AQR: variants seen among roughly 807,000 people sequenced by gnomAD.
AQR encodes the protein RNA helicase aquarius.
In AQR, 61 loss-of-function variants were observed where a neutral mutation model predicts 180.5. The ratio of observed to expected loss-of-function variants is 0.34; its 90% confidence interval spans 0.28 to 0.42. The LOEUF (loss-of-function observed/expected upper bound fraction) is 0.42. Ranked by LOEUF, AQR falls within the 10% of genes least tolerant of loss-of-function variation. The pLI is 1.00. For synonymous variants in AQR, 551 were observed against 588.8 expected (o/e 0.94, Z 0.93); for missense variants, 1,281 against 1,798.3 (o/e 0.71, Z 5.20).
In AQR at chr15:34,969,709, T is replaced by A; in HGVS notation, c.-96A>T. ...TCCCTTAAGTTACTGCCGGGGCGCT[T>A]AACTCCGCGCCGCACAAACGCTCCG... On this transcript the variant is annotated 5_prime_UTR_variant, in exon 1 of 35. Coordinates refer to ENST00000156471, the MANE Select transcript of AQR (RefSeq NM_014691.3). The A allele has an allele frequency of 7.9e-7, 1 of 1,273,592 alleles. No individual in the cohort carries two copies. Among genetic ancestry groups the A allele is most frequent in the African/African-American group, 1.5e-5 (1 of 66,980 alleles). The allele number at this position is 1,273,592 out of a possible 1,614,324, so 78.9% of individuals were successfully genotyped here.
At chr15:34,952,708 G>A (rs1022092563) in intron 4 of AQR, among the ~76,000 whole-genome samples, 177 bp downstream of exon 4, 2 of 152,110 alleles carry the variant, frequency 1.3e-5, no homozygotes, top group Non-Finnish European at 2.9e-5. Flanking sequence ...TCTGGCAATG[G>A]GCCATCATCT....
chr15:34,934,862 G>A (rs1276909447), intron 9 of AQR, among the ~76,000 whole-genome samples: 3 of 151,976 alleles, frequency 2.0e-5, no homozygotes, highest in African/African-American at 7.3e-5. Flanking sequence ...TCTAGCTTGG[G>A]TCAAAAGCAC....
At chr15:34,877,631 C>T (rs532332939) in intron 27 of AQR, among the ~76,000 whole-genome samples, 144 of 152,184 alleles carry the variant, frequency 9.5e-4, no homozygotes, top group Non-Finnish European at 1.4e-3. Flanking sequence ...TTAAAAAGAC[C>T]GCTTTCTGAA....
intron 15 of AQR, among the ~76,000 whole-genome samples, chr15:34,917,834 A>AAAAT (rs1893619356): frequency 6.6e-6 from 1 of 150,840 alleles, no homozygotes; most frequent in South Asian, 2.1e-4. Flanking sequence ...AAAAAAAAAA[A>AAAAT]AAAGCTGGGT....
chr15:34,937,263 G>C (rs1893958187), intron 9 of AQR, among the ~76,000 whole-genome samples: 1 of 91,900 alleles, frequency 1.1e-5, no homozygotes, highest in Non-Finnish European at 3.2e-5. Context: ...CTGACCTCGT[G>C]ATCCACCCAC....
intron 9 of AQR, among the ~76,000 whole-genome samples, chr15:34,936,326 T>C (rs1190217575): frequency 1.3e-5 from 2 of 152,194 alleles, no homozygotes. Flanking sequence ...ACCATCTATC[T>C]TCATACCCAT....
At chr15:34,953,954 G>A (rs979433668) in intron 3 of AQR, among the ~76,000 whole-genome samples, 2 of 151,944 alleles carry the variant, frequency 1.3e-5, no homozygotes, top group Non-Finnish European at 1.5e-5. Flanking sequence ...TTGCTCCATC[G>A]CCCACACTAG....
chr15:34,861,303 G>A (rs1892668186), intron 33 of AQR, among the ~76,000 whole-genome samples: 1 of 152,090 alleles, frequency 6.6e-6, no homozygotes, highest in Non-Finnish European at 1.5e-5. Context: ...GTACAAATAC[G>A]GCCATGCTAT....
Position 34,860,176 on chromosome 15 carries a change from C to T in AQR, c.4030-21G>A, listed in dbSNP as rs535154471. On this transcript the variant is annotated intron_variant, in intron 33 of 34. Coordinates refer to ENST00000156471, the MANE Select transcript of AQR (RefSeq NM_014691.3). ...CCATTCTAGAAGAAGGAAAAAAGAA[C>T]GTTAAGTATCTAGTAAAACAACCCT... The T allele has an allele frequency of 1.4e-5, 18 of 1,330,622 alleles. 1 individual carries two copies. Among genetic ancestry groups the T allele is most frequent in the East Asian group, 9.7e-5 (4 of 41,416 alleles). 82.4% of individuals were successfully genotyped at this position (1,330,622 alleles called of 1,614,324 possible).
At chr15:34,943,020 G>C in intron 6 of AQR, 3 of 1,521,024 alleles carry the variant, frequency 2.0e-6, no homozygotes, top group Non-Finnish European at 9.1e-7. Context: ...ATTTCTATTT[G>C]TTCTGTTTAG....
chr15:34,969,727 A>C lies in AQR; in HGVS notation c.-114T>G. 9.5e-7 allele frequency: 1 copy of C among 1,052,558 alleles called. No individual in the cohort carries two copies. Among genetic ancestry groups the C allele is most frequent in the Non-Finnish European group, 1.4e-6 (1 of 739,680 alleles). 65.2% of individuals were successfully genotyped at this position (1,052,558 alleles called of 1,614,324 possible). On this transcript the variant is annotated 5_prime_UTR_variant, in exon 1 of 35. Coordinates refer to ENST00000156471, the MANE Select transcript of AQR (RefSeq NM_014691.3). ...GGGCGCTTAACTCCGCGCCGCACAA[A>C]CGCTCCGGGCCGGATATCCTCAGCC... is the stretch of plus-strand genomic sequence containing the variant.
At chr15:34,928,973 T>C (rs370240446) in intron 12 of AQR, among the ~76,000 whole-genome samples, 32 of 152,338 alleles carry the variant, frequency 2.1e-4, no homozygotes, top group African/African-American at 7.2e-4. Flanking sequence ...CATATGTTCG[T>C]TGGCCACATA....
intron 30 of AQR, among the ~76,000 whole-genome samples, chr15:34,872,606 T>C (rs987657208): frequency 6.6e-6 from 1 of 152,186 alleles, no homozygotes; most frequent in Non-Finnish European, 1.5e-5. Flanking sequence ...ATCACTGATT[T>C]GAACTAGGTT....
chr15:34,899,306 A>G (rs1487684459), intron 20 of AQR, among the ~76,000 whole-genome samples: 1 of 152,202 alleles, frequency 6.6e-6, no homozygotes, highest in East Asian at 1.9e-4. Flanking sequence ...TGTCTTTGCC[A>G]TAAATAGGAT....
Position 34,863,046 on chromosome 15 carries a change from G to A in AQR, c.3855-5C>T. Reference sequence around the variant, plus strand: ...ACTACCAAGCGACGGACATCCCTTTGGGAAATAAACAAAATAATTAGCACA... The same window carrying A: ...ACTACCAAGCGACGGACATCCCTTTAGGAAATAAACAAAATAATTAGCACA... On this transcript the variant is annotated splice_polypyrimidine_tract_variant and splice_region_variant and intron_variant, in intron 32 of 34. Coordinates refer to ENST00000156471, the MANE Select transcript of AQR (RefSeq NM_014691.3). 3 of 1,607,848 alleles carry A rather than the reference G, an allele frequency of 1.9e-6. No homozygotes were observed. Among genetic ancestry groups the A allele is most frequent in the Non-Finnish European group, 2.5e-6 (3 of 1,177,462 alleles).
chr15:34,897,955 T>C (rs150959543), intron 20 of AQR, among the ~76,000 whole-genome samples: 1 of 152,342 alleles, frequency 6.6e-6, no homozygotes, highest in East Asian at 1.9e-4. Flanking sequence ...ACATTAAATA[T>C]TATCTCATGT....
At chr15:34,910,493 A>C (rs1394637811) in intron 16 of AQR, among the ~76,000 whole-genome samples, 180 bp from the exon 17 acceptor site, 1 of 152,222 alleles carries the variant, frequency 6.6e-6, no homozygotes, top group African/African-American at 2.4e-5. Context: ...TGCAAAGTAT[A>C]TAAGATAGCA....
chr15:34,873,776 A>G (rs1892855285), intron 30 of AQR, 52 bp downstream of exon 30: 1 of 1,441,798 alleles, frequency 6.9e-7, no homozygotes, highest in South Asian at 1.6e-5. Flanking sequence ...ATTTAGGCAT[A>G]TGTCAGCCAG....
chr15:34,930,761 G>A (rs140832785), intron 11 of AQR, among the ~76,000 whole-genome samples: 36 of 150,934 alleles, frequency 2.4e-4, no homozygotes, highest in African/African-American at 7.6e-4. Context: ...AACTCCTGAG[G>A]TCTCTCGCTA....
Sources: allele counts gnomAD v4.1 joint callset (sites outside exome capture counted in the v4.1 genomes callset), GRCh38; gene constraint gnomAD v4.1.1; transcripts MANE v1.5; gene names NCBI Gene and HGNC (gene_info 2026-07-23, HGNC 2026-07-21).